The following ALDH18A1 variants were observed in gnomAD, a reference collection of about 807,000 sequenced individuals.
The protein encoded by ALDH18A1 is delta-1-pyrroline-5-carboxylate synthase.
Under a neutral mutation model 88.8 loss-of-function variants are expected in ALDH18A1, and 44 were observed. The observed-to-expected ratio is 0.50, with a 90% CI of 0.39 to 0.64. ALDH18A1 has a LOEUF of 0.64. Among genes scored for constraint, ALDH18A1 ranks in the 30% least tolerant of loss-of-function variants. The pLI, the probability that ALDH18A1 is intolerant of heterozygous loss-of-function variation, is 0.00. For synonymous variants in ALDH18A1, 331 were observed against 372.1 expected (o/e 0.89, Z 1.27); for missense variants, 782 against 1,009.5 (o/e 0.77, Z 3.05).
chr10:95,648,216 G>A (rs2139655031), intron 2 of ALDH18A1, among the ~76,000 whole-genome samples: 1 of 152,226 alleles, frequency 6.6e-6, no homozygotes, highest in Admixed American at 6.5e-5. Context: ...CCCAACTGAT[G>A]TCCACTGCAA....
At chr10:95,616,096 C>T (rs987104508) in intron 13 of ALDH18A1, among the ~76,000 whole-genome samples, 11 of 152,236 alleles carry the variant, frequency 7.2e-5, no homozygotes, top group East Asian at 5.8e-4. Flanking sequence ...CTCAACACAC[C>T]GCATGACAGT....
intron 17 of ALDH18A1, among the ~76,000 whole-genome samples, chr10:95,607,698 C>T (rs961679404): frequency 6.6e-6 from 1 of 152,124 alleles, no homozygotes; most frequent in African/African-American, 2.4e-5. Flanking sequence ...TCCTGTGGTG[C>T]TCAAGTGCAG....
In ALDH18A1 at chr10:95,616,576, T is replaced by C. The variant is rs1244153814; in HGVS notation, c.1506A>G (p.Leu502=). Residue 502 remains leucine, a synonymous_variant, in exon 13 of 18, where the codon TTA becomes TTG. Transcript: ENST00000371224. ...GTGCAGCCTCCTTCCCTCCTTTGAG[T>C]AACAAGCCATTGCCACTTGCGATAG... The part of the protein sequence containing the change: ...ALAIASGNGL[L]LKGGKEAAHS... The C allele has an allele frequency of 6.2e-7, 1 of 1,605,602 alleles. No homozygotes were observed. The highest frequency in any genetic ancestry group is 1.7e-5 in the Admixed American group (1 of 58,838).
chr10:95,631,756 A>T (rs1001737967), intron 7 of ALDH18A1, among the ~76,000 whole-genome samples: 1 of 151,594 alleles, frequency 6.6e-6, no homozygotes, highest in African/African-American at 2.4e-5. Context: ...AAAAAAAAAA[A>T]AAAAAAAAAC....
In ALDH18A1 at chr10:95,613,952, C is replaced by G; in HGVS notation, c.1801+14G>C. 1 of 1,614,136 alleles carries G rather than the reference C, an allele frequency of 6.2e-7. No individual in the cohort carries two copies. Among genetic ancestry groups the G allele is most frequent in the East Asian group, 2.2e-5 (1 of 44,886 alleles). On this transcript the variant is annotated intron_variant, in intron 14 of 17. Coordinates refer to ENST00000371224, the MANE Select transcript of ALDH18A1 (RefSeq NM_002860.4). The stretch of plus-strand genomic sequence containing the variant: ...ATTTCTCCGTTGTGAAAGAGAAGAC[C>G]CCATCCAGCTCACCTAGCCTGGTGA...
chr10:95,609,901 T>C (rs1459757862), intron 17 of ALDH18A1, among the ~76,000 whole-genome samples: 2 of 151,620 alleles, frequency 1.3e-5, no homozygotes, highest in Non-Finnish European at 2.9e-5. Context: ...CCTGAGTAGC[T>C]GGGATTACAG....
In ALDH18A1 at chr10:95,606,414, T is replaced by C; in HGVS notation, c.*348A>G. 1 of 1,156,044 alleles carries C rather than the reference T, an allele frequency of 8.7e-7. No individual in the cohort carries two copies. The highest frequency in any genetic ancestry group is 1.1e-6 in the Non-Finnish European group (1 of 932,240). 71.6% of individuals were successfully genotyped at this position (1,156,044 alleles called of 1,614,324 possible). On this transcript the variant is annotated 3_prime_UTR_variant, in exon 18 of 18. Coordinates refer to ENST00000371224, the MANE Select transcript of ALDH18A1 (RefSeq NM_002860.4). ...ATGACTGGCTCTAGTACCAACTAAA[T>C]GCCAAGGGGGACTGTAAGTCACTGA...
intron 11 of ALDH18A1, among the ~76,000 whole-genome samples, chr10:95,621,532 G>A (rs562163907): frequency 2.2e-4 from 34 of 152,060 alleles, no homozygotes; most frequent in African/African-American, 6.0e-4. Flanking sequence ...GGTTGATCTC[G>A]AACTCCTCAA....
At chr10:95,628,260 T>G (rs1343273682) in intron 8 of ALDH18A1, 108 bp downstream of exon 8, 10 of 1,474,108 alleles carry the variant, frequency 6.8e-6, no homozygotes, top group Non-Finnish European at 8.5e-6. Context: ...AGTGTGTATG[T>G]GCCTACTATC....
chr10:95,606,666 A>G lies in ALDH18A1; in HGVS notation c.*96T>C. On this transcript the variant is annotated 3_prime_UTR_variant, in exon 18 of 18. Transcript: ENST00000371224. ...GTACACTTTCCAACAGGCAGACCCT[A>G]CCAGGAACTGGGAGACAAGAGCGGG... 1.2e-6 allele frequency: 2 copies of G among 1,610,936 alleles called. No homozygotes were observed. The highest frequency in any genetic ancestry group is 4.5e-5 in the East Asian group (2 of 44,860).
intron 2 of ALDH18A1, among the ~76,000 whole-genome samples, chr10:95,648,190 A>C (rs2097904329): frequency 6.6e-6 from 1 of 152,168 alleles, no homozygotes; most frequent in Non-Finnish European, 1.5e-5. Context: ...CAGTGTCAGA[A>C]TTGAATTGGA....
At chr10:95,634,269 A>C (rs146939800) in intron 5 of ALDH18A1, among the ~76,000 whole-genome samples, 2 of 152,172 alleles carry the variant, frequency 1.3e-5, no homozygotes, top group African/African-American at 4.8e-5. Context: ...ATTATCCATT[A>C]ATTTCTTTTC....
intron 13 of ALDH18A1, among the ~76,000 whole-genome samples, chr10:95,615,218 A>C (rs2097842160): frequency 6.6e-6 from 1 of 151,888 alleles, no homozygotes; most frequent in Non-Finnish European, 1.5e-5. Context: ...TGTAGTCCCA[A>C]CTACTAGGAA....
At chr10:95,627,702 G>T (rs902171742) in intron 8 of ALDH18A1, 116 bp from the exon 9 acceptor site, 1 of 1,276,906 alleles carries the variant, frequency 7.8e-7, no homozygotes, top group Non-Finnish European at 1.1e-6. Flanking sequence ...GTATATGAGA[G>T]AATGTTTTTA....
intron 12 of ALDH18A1, among the ~76,000 whole-genome samples, chr10:95,618,183 G>A (rs1475288451): frequency 6.6e-6 from 1 of 152,142 alleles, no homozygotes; most frequent in Non-Finnish European, 1.5e-5. Flanking sequence ...CCAGAATTCT[G>A]GGAGGCAGTT....
chr10:95,646,238 C>T (rs895436591), intron 2 of ALDH18A1, among the ~76,000 whole-genome samples: 1 of 152,162 alleles, frequency 6.6e-6, no homozygotes, highest in South Asian at 2.1e-4. Flanking sequence ...ACCTCAGGAA[C>T]ACAGGCAGTG....
intron 17 of ALDH18A1, among the ~76,000 whole-genome samples, chr10:95,609,483 T>G (rs550850658): frequency 6.6e-6 from 1 of 152,352 alleles, no homozygotes; most frequent in Non-Finnish European, 1.5e-5. Flanking sequence ...GGACACAGCA[T>G]GTACCTCTGG....
intron 12 of ALDH18A1, among the ~76,000 whole-genome samples, chr10:95,619,233 A>G (rs971435569): frequency 6.6e-6 from 1 of 152,144 alleles, no homozygotes; most frequent in African/African-American, 2.4e-5. Flanking sequence ...ACTTACAAGG[A>G]ATGTGAAGGA....
At position 95,653,279 on chromosome 10, in the gene ALDH18A1, A is replaced by G. The variant is rs781581586; in HGVS notation, c.88+11T>C. ...CGTCCCACATACTCATAAGTTTTCT[A>G]TGGTACATACGAGATCTGAAGACGG... On this transcript the variant is annotated intron_variant, in intron 2 of 17. Transcript: ENST00000371224. The G allele has an allele frequency of 6.9e-6, 11 of 1,605,564 alleles. No individual in the cohort carries two copies. The highest frequency in any genetic ancestry group is 9.4e-6 in the Non-Finnish European group (11 of 1,173,422).
Sources: gnomAD v4.1 joint callset for allele counts (sites outside exome capture counted in the v4.1 genomes callset) on GRCh38, gnomAD v4.1.1 for gene constraint, MANE v1.5 for transcripts, NCBI Gene and HGNC (gene_info 2026-07-23, HGNC 2026-07-21) for gene names.